REC114: variants seen among roughly 807,000 people sequenced by gnomAD.
The protein encoded by REC114 is meiotic recombination protein REC114.
REC114 carries 27 observed loss-of-function variants against 31.3 expected under a neutral mutation model. That is an observed-to-expected ratio of 0.86 (90% CI 0.64 to 1.19). REC114 has a LOEUF of 1.19. Among genes scored for constraint, REC114 ranks in the 50% most tolerant of loss-of-function variants. REC114 has a pLI of 0.00. For synonymous variants in REC114, 134 were observed against 127.7 expected, an observed-to-expected ratio of 1.05 and a Z score of -0.33; for missense variants, 344 against 326.9, an observed-to-expected ratio of 1.05 and a Z score of -0.40.
At chr15:73,510,192 C>T (rs1893742245) in intron 2 of REC114, among the ~76,000 whole-genome samples, 1 of 152,020 alleles carries the variant, frequency 6.6e-6, no homozygotes, top group South Asian at 2.1e-4. Flanking sequence ...GTATTTTATT[C>T]TCTTTGAAGC....
At chr15:73,504,153 C>T (rs1014788760) in intron 2 of REC114, among the ~76,000 whole-genome samples, 11 of 151,504 alleles carry the variant, frequency 7.3e-5, no homozygotes, top group African/African-American at 2.4e-4. Flanking sequence ...ACTACAGGCA[C>T]GCACCACCAT....
At position 73,559,770 on chromosome 15, in the gene REC114, G is replaced by C; in HGVS notation, c.655G>C (p.Glu219Gln). 3 of 1,577,676 alleles carry C rather than the reference G, an allele frequency of 1.9e-6. No individual in the cohort carries two copies. Among genetic ancestry groups the C allele is most frequent in the East Asian group, 4.7e-5 (2 of 42,498 alleles). ...QLAQTLLASE[E>Q]LPHVYEQSAW... ...CCTGCAGACTCTTCTGGCATCGGAG[G>C]AGCTGCCCCATGTCTATGAACAATC... Residue 219 changes from glutamate to glutamine, a missense_variant, in exon 6 of 6, where the codon GAG (glutamate) becomes CAG (glutamine). Coordinates refer to ENST00000331090, the MANE Select transcript of REC114 (RefSeq NM_001042367.2).
intron 2 of REC114, among the ~76,000 whole-genome samples, chr15:73,494,688 GGTTGA>G (rs1893494517): frequency 6.6e-6 from 1 of 152,062 alleles, no homozygotes; most frequent in Admixed American, 6.6e-5. Flanking sequence ...TTTTGCAATT[GGTTGA>G]TATTCTATAA....
chr15:73,529,238 C>T (rs557848634), intron 2 of REC114, among the ~76,000 whole-genome samples: 54 of 151,860 alleles, frequency 3.6e-4, no homozygotes, highest in East Asian at 9.7e-4. Context: ...GCCAGGTTCA[C>T]GCCATCCTCC....
At chr15:73,558,061 G>A (rs1013726940) in intron 5 of REC114, among the ~76,000 whole-genome samples, 5 of 152,124 alleles carry the variant, frequency 3.3e-5, no homozygotes, top group African/African-American at 9.7e-5. Flanking sequence ...GATGTAGGCT[G>A]CACATGGTGG....
At chr15:73,451,549 G>A (rs981725539) in intron 1 of REC114, among the ~76,000 whole-genome samples, 4 of 152,080 alleles carry the variant, frequency 2.6e-5, no homozygotes, top group Non-Finnish European at 5.9e-5. Context: ...TTATACTAGA[G>A]GTACAAAGAG....
At chr15:73,556,227 T>C in intron 4 of REC114, 75 bp from the exon 5 acceptor site, 1 of 1,272,544 alleles carries the variant, frequency 7.9e-7, no homozygotes, top group Non-Finnish European at 1.1e-6. Context: ...GAATGCATAT[T>C]TCTGCTCTTT....
intron 4 of REC114, among the ~76,000 whole-genome samples, chr15:73,553,912 ATTTC>A (rs1894425996): frequency 1.3e-5 from 2 of 152,182 alleles, no homozygotes; most frequent in Admixed American, 1.3e-4. Flanking sequence ...TCCTGGCCCT[ATTTC>A]TTAGTAGCTG....
chr15:73,447,754 C>G (rs1305466912), intron 1 of REC114, among the ~76,000 whole-genome samples: 1 of 152,168 alleles, frequency 6.6e-6, no homozygotes, highest in Admixed American at 6.5e-5. Flanking sequence ...AAGATCAACA[C>G]AGAAGGCGGG....
intron 1 of REC114, among the ~76,000 whole-genome samples, chr15:73,469,467 G>A (rs1007483937): frequency 2.0e-5 from 3 of 151,800 alleles, no homozygotes; most frequent in Non-Finnish European, 2.9e-5. Context: ...AGGCCTCTGG[G>A]TGCAGTGTGC....
chr15:73,523,333 G>A (rs1555488193), intron 2 of REC114, among the ~76,000 whole-genome samples: 1 of 152,052 alleles, frequency 6.6e-6, no homozygotes, highest in Non-Finnish European at 1.5e-5. Context: ...AAAAAAGGGG[G>A]AAATGAGGTA....
chr15:73,540,967 T>C (rs915519595), intron 3 of REC114, among the ~76,000 whole-genome samples: 1 of 152,238 alleles, frequency 6.6e-6, no homozygotes, highest in African/African-American at 2.4e-5. Context: ...TTTTACTTGC[T>C]TTCTAGCTGT....
chr15:73,507,238 T>C (rs1595872896), intron 2 of REC114, among the ~76,000 whole-genome samples: 1 of 152,146 alleles, frequency 6.6e-6, no homozygotes, highest in Admixed American at 6.6e-5. Context: ...TAAAAATATA[T>C]CACATATACA....
At chr15:73,496,948 A>G (rs1350850697) in intron 2 of REC114, among the ~76,000 whole-genome samples, 1 of 150,558 alleles carries the variant, frequency 6.6e-6, no homozygotes, top group African/African-American at 2.4e-5. Context: ...TTTTTTAATA[A>G]CTTTGACACT....
chr15:73,530,747 A>AT (rs61336545), intron 2 of REC114, among the ~76,000 whole-genome samples: 83,389 of 149,624 alleles, frequency 0.56, 23,273 homozygotes, highest in African/African-American at 0.62. Flanking sequence ...CTTATCATGG[A>AT]TTTTTTTTTT....
chr15:73,472,134 A>G (rs1893141802), intron 1 of REC114, among the ~76,000 whole-genome samples: 2 of 152,254 alleles, frequency 1.3e-5, no homozygotes, highest in African/African-American at 2.4e-5. Flanking sequence ...AAAACAAAAC[A>G]TTAAACTATC....
chr15:73,463,786 A>AC (rs2151255191), intron 1 of REC114, among the ~76,000 whole-genome samples: 1 of 150,558 alleles, frequency 6.6e-6, no homozygotes, highest in South Asian at 2.1e-4. Flanking sequence ...GTGCCACTGC[A>AC]CTCCAGCCTG....
At chr15:73,507,146 T>C (rs1349213117) in intron 2 of REC114, among the ~76,000 whole-genome samples, 1 of 152,118 alleles carries the variant, frequency 6.6e-6, no homozygotes, top group Non-Finnish European at 1.5e-5. Context: ...ATTAATAAGA[T>C]AAATTATAAC....
chr15:73,463,221 T>C (rs1893014637), intron 1 of REC114, among the ~76,000 whole-genome samples: 1 of 152,154 alleles, frequency 6.6e-6, no homozygotes, highest in Non-Finnish European at 1.5e-5. Flanking sequence ...ACCTCACCTC[T>C]CTCTCTTCCT....
Sources: allele counts gnomAD v4.1 joint callset (sites outside exome capture counted in the v4.1 genomes callset), GRCh38; gene constraint gnomAD v4.1.1; transcripts MANE v1.5; gene names NCBI Gene and HGNC (gene_info 2026-07-23, HGNC 2026-07-21).